ATXN7: variants seen among roughly 807,000 people sequenced by gnomAD.
ATXN7 encodes the protein ataxin 7.
A neutral mutation model predicts 70.5 loss-of-function variants in ATXN7; 12 were observed. The observed-to-expected ratio is 0.17, with a 90% CI of 0.11 to 0.28. The LOEUF (loss-of-function observed/expected upper bound fraction) is 0.28. Ranked by LOEUF, ATXN7 falls within the 10% of genes least tolerant of loss-of-function variation. ATXN7 has a pLI of 1.00. For synonymous variants in ATXN7, 498 were observed against 448.7 expected, an observed-to-expected ratio of 1.11 and a Z score of -1.39; for missense variants, 1,256 against 1,131.7, an observed-to-expected ratio of 1.11 and a Z score of -1.58.
chr3:63,892,755 A>G (rs1703323344), intron 1 of ATXN7, among the ~76,000 whole-genome samples: 1 of 152,120 alleles, frequency 6.6e-6, no homozygotes, highest in Non-Finnish European at 1.5e-5. Context: ...ATTTTATCCA[A>G]TTCAATTCAT....
intron 8 of ATXN7, among the ~76,000 whole-genome samples, chr3:63,986,474 A>G (rs372313049): frequency 2.3e-4 from 35 of 152,190 alleles, no homozygotes; most frequent in African/African-American, 7.5e-4. Flanking sequence ...GGAGAGGTTT[A>G]TACATCTGCT....
At chr3:63,928,472 G>C (rs1412878533) in intron 4 of ATXN7, among the ~76,000 whole-genome samples, 1 of 152,000 alleles carries the variant, frequency 6.6e-6, no homozygotes, top group Non-Finnish European at 1.5e-5. Flanking sequence ...AAGCATCTTA[G>C]ACAATACCTG....
At chr3:63,965,473 C>T (rs1258903874) in intron 5 of ATXN7, among the ~76,000 whole-genome samples, 1 of 152,166 alleles carries the variant, frequency 6.6e-6, no homozygotes, top group African/African-American at 2.4e-5. Flanking sequence ...CCTTTGTGCA[C>T]TAGAGTAAAA....
intron 12 of ATXN7, chr3:63,998,083 C>T (rs558097690): frequency 1.2e-5 from 12 of 985,136 alleles, no homozygotes; most frequent in African/African-American, 8.7e-5. Context: ...ATGATCCCCA[C>T]GGAAGGGGCA....
chr3:63,996,394 A>G lies in ATXN7; in HGVS notation c.2572A>G (p.Lys858Glu). 1 of 1,614,202 alleles carries G rather than the reference A, an allele frequency of 6.2e-7. No individual in the cohort carries two copies. The highest frequency in any genetic ancestry group is 8.5e-7 in the Non-Finnish European group (1 of 1,180,040). ...NSSSKPTKVA[K>E]VPAVNNVHMK... is the part of the protein sequence containing the mutation. ...CAGCAGCAAACCCACAAAGGTTGCC[A>G]AAGTGCCAGCCGTGAACAATGTCCA... Residue 858 changes from lysine (K) to glutamate (E), a missense_variant, in exon 12 of 13, where the codon AAA becomes GAA. Coordinates refer to ENST00000674280, the MANE Select transcript of ATXN7 (RefSeq NM_001377405.1).
At chr3:63,974,139 G>C (rs930351127) in intron 5 of ATXN7, among the ~76,000 whole-genome samples, 1 of 149,466 alleles carries the variant, frequency 6.7e-6, no homozygotes, top group Non-Finnish European at 1.5e-5. Context: ...AACCATCTTG[G>C]ATGCTTTAAG....
intron 4 of ATXN7, among the ~76,000 whole-genome samples, chr3:63,925,923 A>G (rs1559634432): frequency 1.3e-5 from 2 of 152,092 alleles, no homozygotes; most frequent in Non-Finnish European, 2.9e-5. Flanking sequence ...AGGAGATGGG[A>G]GTAGATATGT....
At chr3:63,965,152 C>T (rs1400464527) in intron 5 of ATXN7, among the ~76,000 whole-genome samples, 1 of 152,148 alleles carries the variant, frequency 6.6e-6, no homozygotes, top group Non-Finnish European at 1.5e-5. Flanking sequence ...TTTTCTGTTT[C>T]TGTTTAACTC....
intron 11 of ATXN7, among the ~76,000 whole-genome samples, chr3:63,993,772 T>C (rs948150652): frequency 2.6e-5 from 4 of 152,178 alleles, no homozygotes; most frequent in African/African-American, 9.7e-5. Flanking sequence ...CAGCCTGGTC[T>C]TTAGGCCCTG....
At chr3:63,865,227 A>G (rs1460276332) in intron 1 of ATXN7, 1 of 152,244 alleles carries the variant, frequency 6.6e-6, no homozygotes, top group African/African-American at 2.4e-5. Flanking sequence ...TCTAGCAAGA[A>G]ATATGTACAA....
chr3:63,869,716 C>T (rs1470330628), intron 1 of ATXN7, among the ~76,000 whole-genome samples: 2 of 152,200 alleles, frequency 1.3e-5, no homozygotes, highest in East Asian at 1.9e-4. Flanking sequence ...TGAGCTACCG[C>T]ACCCTGCTAG....
At chr3:63,952,277 A>G (rs1395333051) in intron 4 of ATXN7, 102 bp from the exon 5 acceptor site, 1 of 702,288 alleles carries the variant, frequency 1.4e-6, no homozygotes, top group Non-Finnish European at 2.3e-6. Flanking sequence ...TTGTCCTGGT[A>G]TACTTTACAA....
intron 5 of ATXN7, among the ~76,000 whole-genome samples, chr3:63,956,671 A>G (rs1389383892): frequency 6.6e-6 from 1 of 152,092 alleles, no homozygotes; most frequent in African/African-American, 2.4e-5. Context: ...GCTGGAATGC[A>G]TTGCTTTCAC....
At chr3:63,866,056 T>C (rs1382286820) in intron 1 of ATXN7, among the ~76,000 whole-genome samples, 2 of 152,108 alleles carry the variant, frequency 1.3e-5, no homozygotes, top group African/African-American at 2.4e-5. Context: ...CACTGCCCCC[T>C]GTAACTTAAA....
rs941862865 is a variant in ATXN7 at position 64,002,477 on chromosome 3, A to T, written c.*3010A>T. On this transcript the variant is annotated 3_prime_UTR_variant, in exon 13 of 13. Coordinates refer to ENST00000674280, the MANE Select transcript of ATXN7 (RefSeq NM_001377405.1). ...ACTGCTTTTCTTTTGTTAGTATTTT[A>T]TGTGTGGGAGTATGTGACTGCGTGT... The T allele has an allele frequency of 4.6e-5, 7 of 151,814 alleles. No homozygotes were observed. The highest frequency in any genetic ancestry group is 1.7e-4 in the African/African-American group (7 of 41,212). 9.4% of individuals were successfully genotyped at this position (151,814 alleles called of 1,614,324 possible).
Position 63,980,142 on chromosome 3 carries a change from C to G in ATXN7, c.727C>G (p.Gln243Glu). The G allele has an allele frequency of 6.2e-7, 1 of 1,614,154 alleles. No homozygotes were observed. The highest frequency in any genetic ancestry group is 8.5e-7 in the Non-Finnish European group (1 of 1,180,026). Residue 243 changes from glutamine to glutamate, a missense_variant, in exon 6 of 13, where the codon CAA becomes GAA. Transcript: ENST00000674280. Reference sequence around the variant, plus strand: ...CACCAGGCCAATGCATCCCATTCAGCAAAGTAGAGTTCCCCATGGTAGAAT... The same window carrying G: ...CACCAGGCCAATGCATCCCATTCAGGAAAGTAGAGTTCCCCATGGTAGAAT... ...GNTRPMHPIQ[Q>E]SRVPHGRIMT...
chr3:63,874,508 T>A (rs913402203), intron 1 of ATXN7, among the ~76,000 whole-genome samples: 5 of 152,254 alleles, frequency 3.3e-5, no homozygotes, highest in Admixed American at 6.5e-5. Context: ...ACGTATGTTC[T>A]CCTGTTTCAT....
At chr3:63,899,967 C>A (rs1257880457) in intron 2 of ATXN7, among the ~76,000 whole-genome samples, 1 of 152,012 alleles carries the variant, frequency 6.6e-6, no homozygotes, top group Non-Finnish European at 1.5e-5. Flanking sequence ...GTGTATAGTC[C>A]CAGCTACTCA....
chr3:63,991,011 C>A (rs981790251), intron 11 of ATXN7, 152 bp downstream of exon 11: 7 of 1,106,858 alleles, frequency 6.3e-6, no homozygotes, highest in African/African-American at 6.2e-5. Flanking sequence ...TTCATTCATT[C>A]ATTTACCCCT....
Sources: gnomAD v4.1 joint callset for allele counts (sites outside exome capture counted in the v4.1 genomes callset) on GRCh38, gnomAD v4.1.1 for gene constraint, MANE v1.5 for transcripts, NCBI Gene and HGNC (gene_info 2026-07-23, HGNC 2026-07-21) for gene names.